The following KDM4B variants were observed in gnomAD, a reference collection of about 807,000 sequenced individuals.
KDM4B encodes lysine-specific demethylase 4B.
Under a neutral mutation model 125.2 loss-of-function variants are expected in KDM4B, and 32 were observed. That is an observed-to-expected ratio of 0.26 (90% CI 0.19 to 0.34). The LOEUF (loss-of-function observed/expected upper bound fraction) is 0.34, where lower values mean the gene tolerates loss of function less well. Ranked by LOEUF, KDM4B falls within the 10% of genes least tolerant of loss-of-function variation. KDM4B has a pLI of 1.00. For synonymous variants in KDM4B, 721 were observed against 677.9 expected, an observed-to-expected ratio of 1.06 and a Z score of -0.99; for missense variants, 1,190 against 1,577.7, an observed-to-expected ratio of 0.75 and a Z score of 4.16.
chr19:5,144,175 G>T (rs2039795197), intron 19 of KDM4B, 23 bp downstream of exon 19: 1 of 1,590,054 alleles, frequency 6.3e-7, no homozygotes, highest in Admixed American at 1.7e-5. Context: ...CCGCCTCCTT[G>T]CCCCCAGCCC....
intron 6 of KDM4B, among the ~76,000 whole-genome samples, chr19:5,059,930 A>G (rs2613755): frequency 0.74 from 112,428 of 152,214 alleles, 41,791 homozygotes; most frequent in East Asian, 0.94. Context: ...GCTCACTCCC[A>G]CCACGGGCAC....
rs929461623 is a variant in KDM4B at position 5,114,350 on chromosome 19, C to T, written c.1115+3532C>T. On this transcript the variant is annotated intron_variant, in intron 10 of 22. Transcript: ENST00000159111. This position sits in a 1 kb window ranked among gnomAD's most constrained non-coding sequence, Gnocchi z 5.8. ...CCCTCCGAGCTCGGTGCTGCCTGTC[C>T]CCTCCTGCTCTGCCTTGGCCTGTCG... 32 of 714,580 alleles carry T rather than the reference C, an allele frequency of 4.5e-5. No homozygotes were observed. The highest frequency in any genetic ancestry group is 6.9e-5 in the Non-Finnish European group (32 of 463,534). 44.3% of individuals were successfully genotyped at this position (714,580 alleles called of 1,614,324 possible).
At chr19:5,004,812 C>T (rs2035506225) in intron 1 of KDM4B, among the ~76,000 whole-genome samples, 1 of 152,162 alleles carries the variant, frequency 6.6e-6, no homozygotes, top group Non-Finnish European at 1.5e-5. Context: ...CCGGAATACA[C>T]TCCCTACTGT....
rs555562147 is a variant in KDM4B at position 5,096,166 on chromosome 19, A to G, written c.918+13662A>G. On this transcript the variant is annotated intron_variant, in intron 9 of 22. Transcript: ENST00000159111. The stretch of plus-strand genomic sequence containing the variant: ...AGTGGTGTGATCTCGGCTCACTGCA[A>G]CCTCTGCCTCCCGGGCTCAAGCGAG... Among the ~76,000 whole-genome samples the G allele has an allele frequency of 1.4e-4, 21 of 148,848 alleles. No homozygotes were observed. In the South Asian group the frequency reaches 4.1e-3, roughly 29 times the overall value.
At chr19:4,974,224 C>T (rs1316765055) in intron 1 of KDM4B, among the ~76,000 whole-genome samples, 6 of 151,800 alleles carry the variant, frequency 4.0e-5, no homozygotes, top group South Asian at 2.1e-4. Flanking sequence ...CGTGAAACCC[C>T]GTCTCTACTA....
chr19:5,124,900 T>A (rs1443119879), intron 11 of KDM4B, among the ~76,000 whole-genome samples: 1 of 151,708 alleles, frequency 6.6e-6, no homozygotes, highest in Non-Finnish European at 1.5e-5. Flanking sequence ...CCAGCCTTCT[T>A]TTCTTTTCTT....
At chr19:5,134,341 CCGTGTCTGG>C (rs2039611283) in intron 14 of KDM4B, among the ~76,000 whole-genome samples, 2 of 152,158 alleles carry the variant, frequency 1.3e-5, no homozygotes, top group South Asian at 4.1e-4. Flanking sequence ...CAGGGAGCGC[CCGTGTCTGG>C]TGGGCGCTGA....
chr19:5,058,777 C>T, intron 6 of KDM4B, among the ~76,000 whole-genome samples: 1 of 152,208 alleles, frequency 6.6e-6, no homozygotes, highest in South Asian at 2.1e-4. Flanking sequence ...TGGCAGTGCA[C>T]ACGCTGGCTC....
intron 6 of KDM4B, among the ~76,000 whole-genome samples, chr19:5,050,320 C>T (rs1381308512): frequency 6.6e-6 from 1 of 152,224 alleles, no homozygotes. Context: ...TCTCAGGCAG[C>T]GGGGCTAAGA....
intron 11 of KDM4B, among the ~76,000 whole-genome samples, chr19:5,121,780 C>T (rs986113100): frequency 2.0e-5 from 3 of 152,106 alleles, no homozygotes; most frequent in African/African-American, 7.2e-5. Flanking sequence ...AGGTTCAGTG[C>T]AGCTCCATTT....
chr19:5,043,583 CAGAGTG>C (rs2036909090), intron 5 of KDM4B, among the ~76,000 whole-genome samples: 1 of 144,144 alleles, frequency 6.9e-6, no homozygotes, highest in African/African-American at 2.7e-5. Context: ...TGGTGTTTAT[CAGAGTG>C]GGGGTGTCCA....
Position 5,144,044 on chromosome 19 carries a change from G to C in KDM4B, c.2628G>C (p.Thr876=). The part of the protein sequence containing the change: ...CIQCSYEHCS[T]SFHVTCAHAA... ...AGTGCTCCTACGAGCACTGCTCCAC[G>C]TCCTTCCACGTGACCTGCGCCCACG... is the stretch of plus-strand genomic sequence containing the variant. The change falls in exon 19 of 23, where the codon ACG becomes ACC. Residue 876 remains threonine, a synonymous_variant. Transcript: ENST00000159111. 6.2e-7 allele frequency: 1 copy of C among 1,605,586 alleles called. No homozygotes were observed. The highest frequency in any genetic ancestry group is 8.5e-7 in the Non-Finnish European group (1 of 1,173,716).
intron 9 of KDM4B, among the ~76,000 whole-genome samples, chr19:5,092,146 A>G (rs976453788): frequency 6.6e-6 from 1 of 152,098 alleles, no homozygotes; most frequent in African/African-American, 2.4e-5. Context: ...GCATGTCTGG[A>G]GGGTGATCTA....
At chr19:5,060,457 A>C (rs971151033) in intron 6 of KDM4B, among the ~76,000 whole-genome samples, 1 of 140,424 alleles carries the variant, frequency 7.1e-6, no homozygotes, top group Non-Finnish European at 1.5e-5. Flanking sequence ...AAAAAAAAAA[A>C]AAAAAAGGGA....
intron 1 of KDM4B, among the ~76,000 whole-genome samples, chr19:4,988,790 C>G (rs1448257105): frequency 6.6e-6 from 1 of 152,196 alleles, no homozygotes; most frequent in Non-Finnish European, 1.5e-5. Context: ...TGTGGGGAAG[C>G]TTCCATCCCA....
chr19:5,014,758 G>C (rs1040500311), intron 1 of KDM4B, among the ~76,000 whole-genome samples: 2 of 152,028 alleles, frequency 1.3e-5, no homozygotes, highest in African/African-American at 4.8e-5. Context: ...AACTTCGGGA[G>C]GCCGAGGTGG....
chr19:5,062,775 GTTTTTTT>G (rs34134889), intron 6 of KDM4B, among the ~76,000 whole-genome samples: 1 of 89,866 alleles, frequency 1.1e-5, no homozygotes, highest in Non-Finnish European at 2.1e-5. Flanking sequence ...TAATTAAACT[GTTTTTTT>G]TTTTTTTTTT....
At chr19:5,117,543 A>T (rs1019967270) in intron 10 of KDM4B, among the ~76,000 whole-genome samples, 1 of 152,130 alleles carries the variant, frequency 6.6e-6, no homozygotes, top group Non-Finnish European at 1.5e-5. Context: ...GTTGCACCCC[A>T]GCGCCGGTCT....
chr19:5,082,352 C>T lies in KDM4B; in HGVS notation c.781-15C>T. On this transcript the variant is annotated splice_polypyrimidine_tract_variant and intron_variant, in intron 8 of 22. Coordinates refer to ENST00000159111, the MANE Select transcript of KDM4B (RefSeq NM_015015.3). The surrounding 1 kb of genome is among the most constrained non-coding windows in gnomAD (Gnocchi z 5.4). The stretch of plus-strand genomic sequence containing the variant: ...CTGGTGGCCCTGCCCTCACCTGTCT[C>T]CTTTCCCTCTGCAGATCACGCAGGA... 1 of 1,613,388 alleles carries T rather than the reference C, an allele frequency of 6.2e-7. No individual in the cohort carries two copies. Among genetic ancestry groups the T allele is most frequent in the South Asian group, 1.1e-5 (1 of 91,050 alleles).
Sources: gnomAD v4.1 joint callset for allele counts (sites outside exome capture counted in the v4.1 genomes callset) on GRCh38, gnomAD v4.1.1 for gene constraint, Gnocchi (gnomAD v3.1) non-coding constraint, MANE v1.5 for transcripts, NCBI Gene and HGNC (gene_info 2026-07-23, HGNC 2026-07-21) for gene names.